The following EML6 variants were observed in gnomAD, a reference collection of about 807,000 sequenced individuals.
EML6 encodes the protein EMAP like 6.
EML6 carries 154 observed loss-of-function variants against 240.1 expected under a neutral mutation model. That is an observed-to-expected ratio of 0.64 (90% confidence interval 0.56 to 0.73). EML6 has a LOEUF of 0.73. Ranked by LOEUF, EML6 falls within the 30% of genes least tolerant of loss-of-function variation. EML6 has a pLI of 0.00. For synonymous variants in EML6, 1,148 were observed against 899.0 expected (o/e 1.28, Z -4.95); for missense variants, 2,964 against 2,474.6 (o/e 1.20, Z -4.20).
chr2:54,847,591 G>A lies in EML6; in HGVS notation c.1155G>A (p.Met385Ile), dbSNP rs1267273731. The change falls in exon 9 of 42, where the codon ATG becomes ATA. Residue 385 changes from methionine to isoleucine, a missense_variant. Transcript: ENST00000356458. ...SPDGSQLALG[M>I]KDGSFIVLRV... ...ACGGATCTCAGCTGGCCCTGGGCAT[G>A]AAGGACGGCTCTTTCATTGTTCTCC... 1 of 1,552,252 alleles carries A rather than the reference G, an allele frequency of 6.4e-7. No homozygotes were observed. The highest frequency in any genetic ancestry group is 1.4e-5 in the African/African-American group (1 of 73,044).
At chr2:54,732,903 A>G (rs541171827) in intron 2 of EML6, among the ~76,000 whole-genome samples, 43 of 152,384 alleles carry the variant, frequency 2.8e-4, no homozygotes, top group African/African-American at 7.7e-4. Flanking sequence ...AAATGATTTT[A>G]TAAGCATCAG....
chr2:54,971,171 AATT>A lies in EML6; in HGVS notation c.*1079_*1081del, dbSNP rs1676978356. 1 of 152,262 alleles carries A rather than the reference AATT, an allele frequency of 6.6e-6. No homozygotes were observed. Among genetic ancestry groups the A allele is most frequent in the African/African-American group, 2.4e-5 (1 of 41,464 alleles). The allele number at this position is 152,262 out of a possible 1,614,324, so 9.4% of individuals were successfully genotyped here. ...ATAGGTCAAGTCCAGATTATAAAAA[AATT>A]ATCTGCAGAACAAATTGTAAACCCA... On this transcript the variant is annotated 3_prime_UTR_variant, in exon 42 of 42. Transcript: ENST00000356458.
intron 28 of EML6, among the ~76,000 whole-genome samples, chr2:54,936,377 C>G (rs183282814): frequency 5.6e-4 from 86 of 152,220 alleles, no homozygotes; most frequent in African/African-American, 2.0e-3. Flanking sequence ...TTTTAAATGC[C>G]TCCTGTTTGA....
intron 19 of EML6, 133 bp from the exon 20 acceptor site, chr2:54,894,780 CAG>C: frequency 1.7e-6 from 1 of 602,480 alleles, no homozygotes; most frequent in Non-Finnish European, 3.0e-6. Flanking sequence ...TTGTTATCAC[CAG>C]AGTTTTCCAT....
intron 12 of EML6, among the ~76,000 whole-genome samples, chr2:54,860,459 C>T (rs1410637796): frequency 6.6e-6 from 1 of 152,134 alleles, no homozygotes; most frequent in Non-Finnish European, 1.5e-5. Context: ...GGCGGCCTGG[C>T]TTCTAACCAA....
intron 16 of EML6, among the ~76,000 whole-genome samples, chr2:54,874,749 G>C (rs1336125037): frequency 1.3e-5 from 2 of 152,176 alleles, no homozygotes; most frequent in Non-Finnish European, 2.9e-5. Flanking sequence ...GGTGACTCCT[G>C]AAAGTGTGAG....
Position 54,933,898 on chromosome 2 carries a change from C to T in EML6, c.4004+5147C>T, listed in dbSNP as rs202091902. Among the ~76,000 whole-genome samples, 7 of 152,262 alleles carry T rather than the reference C, an allele frequency of 4.6e-5. No individual in the cohort carries two copies. The East Asian group carries it at 9.7e-4, about 21-fold the overall frequency. On this transcript the variant is annotated intron_variant, in intron 28 of 41. Coordinates refer to ENST00000356458, the MANE Select transcript of EML6 (RefSeq NM_001039753.4). ...TTTCTCATCCAGGTCCAGATAAAGC[C>T]CCTCATGGTCCTGTGGCTAATGATA...
intron 9 of EML6, 121 bp downstream of exon 9, chr2:54,847,744 A>AT: frequency 3.5e-6 from 3 of 866,616 alleles, no homozygotes; most frequent in Non-Finnish European, 4.7e-6. Context: ...AAATAGGAAT[A>AT]CTATAGATCT....
intron 24 of EML6, among the ~76,000 whole-genome samples, chr2:54,903,864 C>G (rs533217777): frequency 7.2e-5 from 11 of 152,262 alleles, no homozygotes; most frequent in Middle Eastern, 3.4e-3. Flanking sequence ...TTTCCCTTTT[C>G]CACCCAAAGC....
At chr2:54,917,031 C>A in intron 26 of EML6, 96 bp downstream of exon 26, 7 of 890,248 alleles carry the variant, frequency 7.9e-6, no homozygotes, top group Non-Finnish European at 1.0e-5. Flanking sequence ...AAGTCATAAG[C>A]AATTCACATT....
At chr2:54,901,246 C>G (rs555101664) in intron 22 of EML6, among the ~76,000 whole-genome samples, 1 of 152,210 alleles carries the variant, frequency 6.6e-6, no homozygotes, top group East Asian at 1.9e-4. Context: ...TGCAGTGTGA[C>G]TGTGAGAACA....
intron 35 of EML6, among the ~76,000 whole-genome samples, chr2:54,961,958 G>T (rs111596607): frequency 0.051 from 7,736 of 151,570 alleles, 644 homozygotes; most frequent in African/African-American, 0.18. Flanking sequence ...GAGCCAAGAT[G>T]TCACCACTGC....
At chr2:54,933,560 C>T (rs184574997) in intron 28 of EML6, among the ~76,000 whole-genome samples, 8 of 152,074 alleles carry the variant, frequency 5.3e-5, no homozygotes, top group African/African-American at 1.9e-4. Flanking sequence ...ATGGTGAAAC[C>T]CTGTCTCTCC....
At chr2:54,893,328 G>A (rs1672578941) in intron 19 of EML6, among the ~76,000 whole-genome samples, 1 of 152,166 alleles carries the variant, frequency 6.6e-6, no homozygotes, top group Non-Finnish European at 1.5e-5. Flanking sequence ...TGGAGGCTGG[G>A]AAGTCCAAGA....
At position 54,912,394 on chromosome 2, in the gene EML6, A is replaced by G. The variant is rs577834569; in HGVS notation, c.3498+1352A>G. ...TTGTTGACTGCCAGATACTTTATAC[A>G]CCTTTATTTTTAATTTTAATTTCAG... On this transcript the variant is annotated intron_variant, in intron 25 of 41. Transcript: ENST00000356458. Among the ~76,000 whole-genome samples the G allele has an allele frequency of 1.2e-4, 18 of 152,080 alleles. No individual in the cohort carries two copies. The South Asian group carries it at 3.1e-3, about 26-fold the overall frequency.
rs545313251 is a variant in EML6, at chr2:54,853,845, T to C, written c.1647T>C (p.Cys549=). ...FGLVKLFKFP[C]LKRGAKFRKY... ...TGGTTAAATTGTTTAAATTTCCTTG[T>C]CTCAAGAGAGGTAAGGCCAAAAGAG... is the stretch of plus-strand genomic sequence containing the variant. The change falls in exon 11 of 42, where the codon TGT becomes TGC. Residue 549 remains cysteine, a synonymous_variant. Transcript: ENST00000356458. 3 of 1,550,238 alleles carry C rather than the reference T, an allele frequency of 1.9e-6. No homozygotes were observed. In the Admixed American group the frequency reaches 5.9e-5, roughly 30 times the overall value.
intron 2 of EML6, among the ~76,000 whole-genome samples, chr2:54,794,417 T>A: frequency 6.6e-6 from 1 of 152,188 alleles, no homozygotes; most frequent in East Asian, 1.9e-4. Context: ...TTGCTGACCA[T>A]GTGATTTGAT....
chr2:54,815,781 T>C (rs1668054787), intron 3 of EML6, among the ~76,000 whole-genome samples: 1 of 152,232 alleles, frequency 6.6e-6, no homozygotes, highest in African/African-American at 2.4e-5. Context: ...ACAGCACATG[T>C]ATACATTTAA....
At chr2:54,939,198 C>G (rs1010561920) in intron 28 of EML6, among the ~76,000 whole-genome samples, 5 of 152,232 alleles carry the variant, frequency 3.3e-5, no homozygotes, top group African/African-American at 9.6e-5. Flanking sequence ...GCTAGGAAAT[C>G]TCTGCTTCTA....
Sources: allele counts gnomAD v4.1 joint callset (sites outside exome capture counted in the v4.1 genomes callset), GRCh38; gene constraint gnomAD v4.1.1; transcripts MANE v1.5; gene names NCBI Gene and HGNC (gene_info 2026-07-23, HGNC 2026-07-21).